CNTN5: variants seen among roughly 807,000 people sequenced by gnomAD.
The protein encoded by CNTN5 is contactin 5, also known as contactin-5.
A neutral mutation model predicts 129.1 loss-of-function variants in CNTN5; 77 were observed. The ratio of observed to expected loss-of-function variants is 0.60; its 90% CI spans 0.50 to 0.72. The LOEUF (loss-of-function observed/expected upper bound fraction) is 0.72, where lower values mean the gene tolerates loss of function less well. CNTN5 is among the 30% of genes least tolerant of loss of function. The pLI, the probability that CNTN5 is intolerant of heterozygous loss-of-function variation, is 0.00. For synonymous variants in CNTN5, 509 were observed against 465.6 expected (o/e 1.09, Z -1.20); for missense variants, 1,478 against 1,328.8 (o/e 1.11, Z -1.75).
chr11:99,053,306 T>G (rs1864499760), intron 1 of CNTN5, among the ~76,000 whole-genome samples: 1 of 151,980 alleles, frequency 6.6e-6, no homozygotes, highest in African/African-American at 2.4e-5. Context: ...TCAAGTTCAA[T>G]CGACTTTCAT....
At position 99,511,323 on chromosome 11, in the gene CNTN5, G is replaced by A. The variant is rs530990759; in HGVS notation, c.-70-44822G>A. On this transcript the variant is annotated intron_variant, in intron 2 of 24. Transcript: ENST00000524871. The stretch of plus-strand genomic sequence containing the variant: ...GTACCCAGTAGTCATTCAGGAGCAG[G>A]TTGTTCAGTTTCCATGTAGTTGAGA... 8.7e-4 allele frequency among the ~76,000 whole-genome samples: 133 copies of A among 152,208 alleles called. 1 individual carries two copies. Among genetic ancestry groups the A allele is most frequent in the Middle Eastern group, 3.4e-3 (1 of 294 alleles).
chr11:99,030,979 A>C (rs1863348013), intron 1 of CNTN5, among the ~76,000 whole-genome samples: 1 of 151,516 alleles, frequency 6.6e-6, no homozygotes, highest in African/African-American at 2.4e-5. Context: ...TTGTATTTTT[A>C]GTAGAGACTG....
At chr11:99,620,597 G>T (rs1950915647) in intron 3 of CNTN5, among the ~76,000 whole-genome samples, 1 of 150,048 alleles carries the variant, frequency 6.7e-6, no homozygotes. Context: ...TGCATGCCTG[G>T]TTTTAAAGGC....
chr11:99,204,456 A>C (rs1034712639), intron 1 of CNTN5, among the ~76,000 whole-genome samples: 41 of 152,294 alleles, frequency 2.7e-4, no homozygotes, highest in African/African-American at 9.9e-4. Flanking sequence ...ATGTTATTGA[A>C]CCTAATATTG....
intron 3 of CNTN5, among the ~76,000 whole-genome samples, chr11:99,699,648 C>T (rs576422328): frequency 7.5e-4 from 113 of 151,580 alleles, no homozygotes; most frequent in African/African-American, 2.6e-3. Flanking sequence ...AAATTACTCA[C>T]TTTCTAAGTG....
chr11:100,246,853 G>A (rs1231826459), intron 16 of CNTN5, among the ~76,000 whole-genome samples: 1 of 152,102 alleles, frequency 6.6e-6, no homozygotes, highest in Non-Finnish European at 1.5e-5. Context: ...TTAATTCAAT[G>A]ACTTATTATA....
chr11:99,021,078 TC>T lies in CNTN5; in HGVS notation c.-399del, dbSNP rs1386925378. 2 of 152,534 alleles carry T rather than the reference TC, an allele frequency of 1.3e-5. No homozygotes were observed. The highest frequency in any genetic ancestry group is 4.8e-5 in the African/African-American group (2 of 41,446). The allele number at this position is 152,534 out of a possible 1,614,324, so 9.4% of individuals were successfully genotyped here. A position where few individuals can be genotyped will look rare whatever the true frequency, so the allele number is the denominator to read the frequency against. ...GGGCGGAGAGGATGCGTTACCTGGG[TC>T]CCGTCTGCTGCGAGAGGCAGGGCAA... On this transcript the variant is annotated 5_prime_UTR_variant, in exon 1 of 25. It removes the in-frame stop codon of an upstream open reading frame in the 5' UTR. Coordinates refer to ENST00000524871, the MANE Select transcript of CNTN5 (RefSeq NM_014361.4).
intron 13 of CNTN5, among the ~76,000 whole-genome samples, chr11:100,162,132 C>T (rs1039935248): frequency 2.0e-5 from 3 of 151,946 alleles, no homozygotes; most frequent in Middle Eastern, 6.8e-3. Context: ...CACCTACTCC[C>T]TGCTCTTTGT....
chr11:100,307,845 T>C (rs1423961774), intron 20 of CNTN5, among the ~76,000 whole-genome samples: 1 of 151,770 alleles, frequency 6.6e-6, no homozygotes, highest in African/African-American at 2.4e-5. Context: ...CTAAATATTT[T>C]ATATATACAT....
chr11:99,284,622 TGTGTGTGTGTGTG>T (rs1863848190), intron 1 of CNTN5, among the ~76,000 whole-genome samples: 1 of 121,242 alleles, frequency 8.2e-6, no homozygotes, highest in East Asian at 2.3e-4. Flanking sequence ...TGTGTGTGTG[TGTGTGTGTGTGTG>T]TGTGTGTGTG....
intron 8 of CNTN5, among the ~76,000 whole-genome samples, chr11:99,964,643 G>A (rs1202379732): frequency 6.6e-6 from 1 of 152,106 alleles, no homozygotes; most frequent in East Asian, 1.9e-4. Context: ...GTCTCTGCCA[G>A]GCTTTGGTAT....
intron 3 of CNTN5, among the ~76,000 whole-genome samples, chr11:99,756,305 A>G (rs1275599169): frequency 6.6e-6 from 1 of 152,060 alleles, no homozygotes; most frequent in African/African-American, 2.4e-5. Flanking sequence ...TAAGATCTCT[A>G]CCTATGTTTT....
intron 1 of CNTN5, among the ~76,000 whole-genome samples, chr11:99,165,764 G>T (rs1477642058): frequency 6.6e-6 from 1 of 152,042 alleles, no homozygotes; most frequent in South Asian, 2.1e-4. Context: ...ATAAGAGATC[G>T]CATCTAGAAA....
At chr11:99,147,967 T>A (rs901733098) in intron 1 of CNTN5, among the ~76,000 whole-genome samples, 8 of 152,188 alleles carry the variant, frequency 5.3e-5, no homozygotes, top group African/African-American at 1.9e-4. Context: ...TTATACAAGA[T>A]AACACAGAAT....
chr11:100,315,883 G>A (rs1951564386), intron 21 of CNTN5, among the ~76,000 whole-genome samples: 1 of 152,174 alleles, frequency 6.6e-6, no homozygotes, highest in African/African-American at 2.4e-5. Context: ...TATGTGAAAT[G>A]TCTAGCTTAT....
chr11:99,512,506 G>A (rs1946876609), intron 2 of CNTN5, among the ~76,000 whole-genome samples: 1 of 152,132 alleles, frequency 6.6e-6, no homozygotes, highest in Admixed American at 6.5e-5. Flanking sequence ...TTGGTTTATT[G>A]CAGTTTGCAG....
chr11:99,090,459 C>G (rs1444313552), intron 1 of CNTN5, among the ~76,000 whole-genome samples: 1 of 152,074 alleles, frequency 6.6e-6, no homozygotes, highest in East Asian at 1.9e-4. Context: ...GATTATTAAT[C>G]AATTTCAGCC....
At chr11:99,093,110 G>A (rs2135324056) in intron 1 of CNTN5, among the ~76,000 whole-genome samples, 1 of 152,022 alleles carries the variant, frequency 6.6e-6, no homozygotes, top group Non-Finnish European at 1.5e-5. Context: ...ATATAGGAGG[G>A]ACCCTAGAAA....
At chr11:100,199,979 G>A (rs1278953599) in intron 15 of CNTN5, among the ~76,000 whole-genome samples, 1 of 151,898 alleles carries the variant, frequency 6.6e-6, no homozygotes, top group African/African-American at 2.4e-5. Flanking sequence ...TATTTCAGAG[G>A]TTTTAATATA....
Sources: gnomAD v4.1 joint callset for allele counts (sites outside exome capture counted in the v4.1 genomes callset) on GRCh38, gnomAD v4.1.1 for gene constraint, MANE v1.5 for transcripts, NCBI Gene and HGNC (gene_info 2026-07-23, HGNC 2026-07-21) for gene names.